The following CNTNAP4 variants were observed in gnomAD, a reference collection of about 807,000 sequenced individuals.
The protein encoded by CNTNAP4 is contactin associated protein family member 4, also known as contactin-associated protein-like 4.
CNTNAP4 carries 98 observed loss-of-function variants against 148.4 expected under a neutral mutation model. The observed-to-expected ratio is 0.66, with a 90% confidence interval of 0.56 to 0.78. The LOEUF (loss-of-function observed/expected upper bound fraction) is 0.78. Ranked by LOEUF, CNTNAP4 falls within the 30% of genes least tolerant of loss-of-function variation. CNTNAP4 has a pLI of 0.00. For missense variants in CNTNAP4, 1,935 were observed against 1,565.6 expected, an observed-to-expected ratio of 1.24 and a Z score of -3.98; for synonymous variants, 730 against 565.1, an observed-to-expected ratio of 1.29 and a Z score of -4.14.
chr16:76,324,486 CAG>C (rs933320691), intron 2 of CNTNAP4, among the ~76,000 whole-genome samples: 37 of 152,206 alleles, frequency 2.4e-4, no homozygotes, highest in African/African-American at 7.9e-4. Context: ...CAGGAGAAAA[CAG>C]AGCATGGGGG....
intron 3 of CNTNAP4, among the ~76,000 whole-genome samples, chr16:76,423,476 A>G (rs953652042): frequency 2.0e-5 from 3 of 152,154 alleles, no homozygotes; most frequent in East Asian, 3.9e-4. Flanking sequence ...GAAGACATAA[A>G]TGTCCCTGTA....
intron 2 of CNTNAP4, among the ~76,000 whole-genome samples, chr16:76,352,256 G>A (rs2011902319): frequency 6.6e-6 from 1 of 152,060 alleles, no homozygotes; most frequent in African/African-American, 2.4e-5. Flanking sequence ...GTTTTGACAG[G>A]GCCTGGAGGG....
chr16:76,471,164 A>G (rs2081360842), intron 10 of CNTNAP4, among the ~76,000 whole-genome samples: 1 of 152,052 alleles, frequency 6.6e-6, no homozygotes, highest in African/African-American at 2.4e-5. Flanking sequence ...CTCTGTGGAC[A>G]TGCAGTGGGG....
intron 17 of CNTNAP4, among the ~76,000 whole-genome samples, chr16:76,534,470 T>C (rs776553608): frequency 6.6e-6 from 1 of 152,208 alleles, no homozygotes; most frequent in Non-Finnish European, 1.5e-5. Flanking sequence ...AACCATCTAA[T>C]TGCCTCTCAA....
intron 3 of CNTNAP4, among the ~76,000 whole-genome samples, chr16:76,381,392 C>G (rs1230976236): frequency 6.6e-6 from 1 of 152,100 alleles, no homozygotes; most frequent in Non-Finnish European, 1.5e-5. Context: ...ACACATGGCT[C>G]TATCTAGGAG....
intron 4 of CNTNAP4, among the ~76,000 whole-genome samples, chr16:76,435,268 T>C (rs35277976): frequency 0.34 from 51,571 of 152,022 alleles, 10,749 homozygotes; most frequent in Non-Finnish European, 0.44. Context: ...TTTCTACTTA[T>C]ATAAATTAAG....
chr16:76,314,682 C>T (rs1454389545), intron 1 of CNTNAP4, among the ~76,000 whole-genome samples: 2 of 152,134 alleles, frequency 1.3e-5, no homozygotes, highest in Non-Finnish European at 2.9e-5. Flanking sequence ...TAACCATAAG[C>T]ATCTGGAGGC....
intron 15 of CNTNAP4, among the ~76,000 whole-genome samples, chr16:76,500,743 ATATT>A (rs1325971192): frequency 6.6e-6 from 1 of 151,876 alleles, no homozygotes; most frequent in African/African-American, 2.4e-5. Context: ...TAGTTCCACT[ATATT>A]TATGTTCCAT....
At chr16:76,303,707 C>G (rs62049689) in intron 1 of CNTNAP4, among the ~76,000 whole-genome samples, 1 of 152,156 alleles carries the variant, frequency 6.6e-6, no homozygotes, top group South Asian at 2.1e-4. Flanking sequence ...GTTTAAAATT[C>G]TGCTTTTCTG....
At chr16:76,379,459 T>C (rs73615719) in intron 3 of CNTNAP4, among the ~76,000 whole-genome samples, 5,365 of 152,328 alleles carry the variant, frequency 0.035, 304 homozygotes, top group African/African-American at 0.12. Flanking sequence ...TTAGAGTTGA[T>C]GTTAGTTTTA....
intron 3 of CNTNAP4, among the ~76,000 whole-genome samples, chr16:76,358,312 G>A (rs576894705): frequency 6.6e-6 from 1 of 152,094 alleles, no homozygotes; most frequent in Middle Eastern, 3.2e-3. Flanking sequence ...CTCCAGCCTG[G>A]GTGACAGAGC....
intron 21 of CNTNAP4, among the ~76,000 whole-genome samples, chr16:76,547,942 A>ATTAGC (rs2084804995): frequency 6.6e-6 from 1 of 152,238 alleles, no homozygotes; most frequent in African/African-American, 2.4e-5. Context: ...AGAAAGTTTA[A>ATTAGC]TTAGCTTACC....
chr16:76,281,147 T>G (rs1336402874), intron 1 of CNTNAP4, among the ~76,000 whole-genome samples: 1 of 152,142 alleles, frequency 6.6e-6, no homozygotes, highest in Admixed American at 6.6e-5. Flanking sequence ...ATCACTCTTG[T>G]GGGTCCTGGG....
intron 2 of CNTNAP4, among the ~76,000 whole-genome samples, chr16:76,349,277 C>G (rs944253733): frequency 6.6e-6 from 1 of 152,116 alleles, no homozygotes; most frequent in African/African-American, 2.4e-5. Context: ...TCCAAATGTC[C>G]TCACAAAATC....
chr16:76,376,751 A>G (rs867319631), intron 3 of CNTNAP4, among the ~76,000 whole-genome samples: 2 of 152,330 alleles, frequency 1.3e-5, no homozygotes, highest in South Asian at 4.1e-4. Flanking sequence ...ATGGTAGGAC[A>G]CTAGGACAAG....
In CNTNAP4 at chr16:76,496,013, G is replaced by C. The variant is rs151234810; in HGVS notation, c.2237+947G>C. ...ATTTCATTTAGTTGGGAAACATCAA[G>C]ATTATGTTATATCATACATCAAGAT... On this transcript the variant is annotated intron_variant, in intron 14 of 23. Coordinates refer to ENST00000611870, the MANE Select transcript of CNTNAP4 (RefSeq NM_033401.5). Among the ~76,000 whole-genome samples the C allele has an allele frequency of 2.6e-4, 40 of 151,416 alleles. No individual in the cohort carries two copies. In the East Asian group the frequency reaches 7.4e-3, roughly 28 times the overall value.
intron 21 of CNTNAP4, among the ~76,000 whole-genome samples, chr16:76,549,589 C>A (rs919078931): frequency 6.6e-6 from 1 of 152,052 alleles, no homozygotes; most frequent in Non-Finnish European, 1.5e-5. Flanking sequence ...CAGACAACAA[C>A]ATGAATGAGG....
At chr16:76,364,050 A>G (rs2013780639) in intron 3 of CNTNAP4, among the ~76,000 whole-genome samples, 1 of 151,954 alleles carries the variant, frequency 6.6e-6, no homozygotes, top group African/African-American at 2.4e-5. Flanking sequence ...CACCCTAGCC[A>G]GTATGGTAAA....
At chr16:76,460,773 A>AATATATATATATATATATATATATATAT (rs150425968) in intron 8 of CNTNAP4, among the ~76,000 whole-genome samples, 4 of 57,320 alleles carry the variant, frequency 7.0e-5, no homozygotes, top group African/African-American at 1.3e-4. Flanking sequence ...AAAAAAAAAA[A>AATATATATATATATATATATATATATAT]ATATATATAT....
Sources: gnomAD v4.1 joint callset for allele counts (sites outside exome capture counted in the v4.1 genomes callset) on GRCh38, gnomAD v4.1.1 for gene constraint, MANE v1.5 for transcripts, NCBI Gene and HGNC (gene_info 2026-07-23, HGNC 2026-07-21) for gene names.